ZKSCAN8: variants seen among roughly 807,000 people sequenced by gnomAD.
ZKSCAN8 encodes zinc finger protein with KRAB and SCAN domains 8.
ZKSCAN8 carries 27 observed loss-of-function variants against 57.2 expected under a neutral mutation model. The observed-to-expected ratio is 0.47, with a 90% confidence interval of 0.35 to 0.65. ZKSCAN8 has a LOEUF of 0.65. Among genes scored for constraint, ZKSCAN8 ranks in the 30% least tolerant of loss-of-function variants. The pLI is 0.01. For missense variants in ZKSCAN8, 597 were observed against 696.3 expected, an observed-to-expected ratio of 0.86 and a Z score of 1.60; for synonymous variants, 214 against 248.7, an observed-to-expected ratio of 0.86 and a Z score of 1.31.
At chr6:28,152,036 C>A in intron 4 of ZKSCAN8, 100 bp downstream of exon 4, 2 of 1,430,304 alleles carry the variant, frequency 1.4e-6, no homozygotes, top group Non-Finnish European at 1.9e-6. Flanking sequence ...GCAGTACCTA[C>A]CCAAAAAGTT....
intron 1 of ZKSCAN8, among the ~76,000 whole-genome samples, chr6:28,146,231 G>C (rs1765389519): frequency 1.3e-5 from 2 of 152,188 alleles, no homozygotes; most frequent in South Asian, 4.1e-4. Flanking sequence ...TAAGATAAAA[G>C]ATATGGACCT....
intron 3 of ZKSCAN8, 66 bp from the exon 4 acceptor site, chr6:28,151,779 G>C: frequency 1.6e-6 from 2 of 1,288,980 alleles, no homozygotes; most frequent in Non-Finnish European, 2.2e-6. Context: ...TTTGGAATGG[G>C]TGAGTGCCAG....
Position 28,152,279 on chromosome 6 carries a change from G to A in ZKSCAN8, c.670G>A (p.Asp224Asn). The A allele has an allele frequency of 2.5e-6, 4 of 1,611,902 alleles. No homozygotes were observed. The highest frequency in any genetic ancestry group is 3.4e-6 in the Non-Finnish European group (4 of 1,179,256). The stretch of plus-strand genomic sequence containing the variant: ...GTTTCAGACTTTGGAGAAGATTGAA[G>A]ACATGGCTGTGTCCCTTATTCGAGA... ...AGFQTLEKIE[D>N]MAVSLIREEW... The change falls in exon 5 of 6, where the codon GAC becomes AAC. Residue 224 changes from aspartate to asparagine, a missense_variant. By Grantham distance (23) the Asp-to-Asn change is conservative (BLOSUM62 1). Transcript: ENST00000330236.
At chr6:28,152,417 A>G in intron 5 of ZKSCAN8, 33 bp downstream of exon 5, 1 of 1,573,180 alleles carries the variant, frequency 6.4e-7, no homozygotes, top group South Asian at 1.2e-5. Context: ...TTGTCATTTT[A>G]GATTTTTTGT....
chr6:28,155,431 C>T lies in ZKSCAN8; in HGVS notation c.*1414C>T, dbSNP rs1765752742. On this transcript the variant is annotated 3_prime_UTR_variant, in exon 6 of 6. Coordinates refer to ENST00000330236, the MANE Select transcript of ZKSCAN8 (RefSeq NM_006298.4). Reference sequence around the variant, plus strand: ...TACTATTATTCCATACTACTATATTCTTCCAAATATTTGGAACACTCTTAG... The same window carrying T: ...TACTATTATTCCATACTACTATATTTTTCCAAATATTTGGAACACTCTTAG... The T allele has an allele frequency of 6.6e-6, 1 of 152,172 alleles. No individual in the cohort carries two copies. The highest frequency in any genetic ancestry group is 6.5e-5 in the Admixed American group (1 of 15,280). 9.4% of individuals were successfully genotyped at this position (152,172 alleles called of 1,614,324 possible).
chr6:28,146,021 A>C (rs1193939062), intron 1 of ZKSCAN8, among the ~76,000 whole-genome samples: 1 of 152,264 alleles, frequency 6.6e-6, no homozygotes, highest in African/African-American at 2.4e-5. Context: ...AACCAAAGTT[A>C]CCATTGCAGT....
chr6:28,142,314 C>CT (rs1416986483), intron 1 of ZKSCAN8: 1 of 152,116 alleles, frequency 6.6e-6, no homozygotes, highest in Non-Finnish European at 1.5e-5. Flanking sequence ...AACGCCCCCC[C>CT]CATGTTATTT....
In ZKSCAN8 at chr6:28,144,920, G is replaced by T. The variant is rs957534407; in HGVS notation, c.-93+2891G>T. Among the ~76,000 whole-genome samples the T allele has an allele frequency of 9.9e-5, 15 of 152,236 alleles. No individual in the cohort carries two copies. The highest frequency in any genetic ancestry group is 3.4e-4 in the African/African-American group (14 of 41,546). On this transcript the variant is annotated intron_variant, in intron 1 of 5. Transcript: ENST00000330236. The surrounding 1 kb of genome is among the most constrained non-coding windows in gnomAD (Gnocchi z 4.5). ...AAAATACAAAAAATTAGCCGGGTGT[G>T]GTGGAGGGCGCCTGTAGTCCCAGCT...
At chr6:28,146,532 A>G (rs552293369) in intron 1 of ZKSCAN8, among the ~76,000 whole-genome samples, 1 of 152,344 alleles carries the variant, frequency 6.6e-6, no homozygotes, top group East Asian at 1.9e-4. Context: ...TGTTGTTGAG[A>G]TATCAGTTGT....
chr6:28,148,475 T>C lies in ZKSCAN8; in HGVS notation c.68T>C (p.Val23Ala), dbSNP rs754288086. The C allele has an allele frequency of 1.2e-6, 2 of 1,614,104 alleles. No individual in the cohort carries two copies. Among genetic ancestry groups the C allele is most frequent in the East Asian group, 2.2e-5 (1 of 44,880 alleles). Residue 23 changes from valine to alanine, a missense_variant, in exon 2 of 6, where the codon GTA (valine) becomes GCA (alanine). Val to Ala is a moderately conservative substitution (Grantham distance 64). Transcript: ENST00000330236. ...PPDQTPEEDL[V>A]IVKVEEDHGW... The stretch of plus-strand genomic sequence containing the variant: ...GACCAGACTCCTGAAGAGGATCTTG[T>C]AATCGTCAAGGTAGAGGAGGATCAT...
At position 28,148,299 on chromosome 6, in the gene ZKSCAN8, A is replaced by T; in HGVS notation, c.-92-17A>T. ...ACTTTTGACTTGCCTTAACACTATCATATTTTCTTCATGAAGAAGTACCCT... is the reference window on the plus strand; with the variant it reads ...ACTTTTGACTTGCCTTAACACTATCTTATTTTCTTCATGAAGAAGTACCCT... On this transcript the variant is annotated splice_polypyrimidine_tract_variant and intron_variant, in intron 1 of 5. Coordinates refer to ENST00000330236, the MANE Select transcript of ZKSCAN8 (RefSeq NM_006298.4). 8.3e-7 allele frequency: 1 copy of T among 1,204,134 alleles called. No homozygotes were observed. The highest frequency in any genetic ancestry group is 2.5e-5 in the East Asian group (1 of 40,180). 74.6% of individuals were successfully genotyped at this position (1,204,134 alleles called of 1,614,324 possible).
At chr6:28,145,272 G>A (rs1162866845) in intron 1 of ZKSCAN8, among the ~76,000 whole-genome samples, 2 of 152,138 alleles carry the variant, frequency 1.3e-5, no homozygotes, top group Non-Finnish European at 2.9e-5. Context: ...TGGGATGGGG[G>A]TAAGGACAAT....
chr6:28,149,561 A>G lies in ZKSCAN8; in HGVS notation c.496A>G (p.Thr166Ala), dbSNP rs1384639938. 2 of 1,614,100 alleles carry G rather than the reference A, an allele frequency of 1.2e-6. No individual in the cohort carries two copies. Among genetic ancestry groups the G allele is most frequent in the Non-Finnish European group, 1.7e-6 (2 of 1,180,016 alleles). ...HSASAPEPPNTQLQSEATQHK... is the reference protein window; with the variant it reads ...HSASAPEPPNAQLQSEATQHK... ...AGCATCTGCACCAGAGCCTCCAAAT[A>G]CTCAGCTCCAATCTGAGGCAACCCA... The change falls in exon 3 of 6, where the codon ACT becomes GCT. Residue 166 changes from threonine (T) to alanine (A), a missense_variant. Transcript: ENST00000330236.
At position 28,149,725 on chromosome 6, in the gene ZKSCAN8, G is replaced by T. The variant is rs933442922; in HGVS notation, c.559+101G>T. ...CTGAAGAACCAGGAACTAAAATCCTGTTTACAGACCAGTCCCAAAGTCTGT... is the reference window on the plus strand; with the variant it reads ...CTGAAGAACCAGGAACTAAAATCCTTTTTACAGACCAGTCCCAAAGTCTGT... On this transcript the variant is annotated intron_variant, in intron 3 of 5. Coordinates refer to ENST00000330236, the MANE Select transcript of ZKSCAN8 (RefSeq NM_006298.4). The T allele has an allele frequency of 5.7e-6, 8 of 1,399,352 alleles. No individual in the cohort carries two copies. The African/African-American group carries it at 1.2e-4, about 20-fold the overall frequency. The allele number at this position is 1,399,352 out of a possible 1,614,324, so 86.7% of individuals were successfully genotyped here.
Position 28,159,310 on chromosome 6 carries a change from TAC to T in ZKSCAN8, c.*5295_*5296del, listed in dbSNP as rs1238149591. 1 of 152,270 alleles carries T rather than the reference TAC, an allele frequency of 6.6e-6. No homozygotes were observed. Among genetic ancestry groups the T allele is most frequent in the African/African-American group, 2.4e-5 (1 of 41,472 alleles). The allele number at this position is 152,270 out of a possible 1,614,324, so 9.4% of individuals were successfully genotyped here. On this transcript the variant is annotated 3_prime_UTR_variant, in exon 6 of 6. Transcript: ENST00000330236. Reference sequence around the variant, plus strand: ...GTAATTATTTTCTAGCACTCTGTGTTACAGTTTCATATTTGTATTTATTTCCA... The same window carrying T: ...GTAATTATTTTCTAGCACTCTGTGTTAGTTTCATATTTGTATTTATTTCCA...
Position 28,156,020 on chromosome 6 carries a change from G to C in ZKSCAN8, c.*2003G>C, listed in dbSNP as rs928398705. On this transcript the variant is annotated 3_prime_UTR_variant, in exon 6 of 6. Transcript: ENST00000330236. The stretch of plus-strand genomic sequence containing the variant: ...AAGAAACCAGAAACAAGTAAATCTG[G>C]TTGTATCTAGATCTTTGCTCTGTGT... 3 of 396,944 alleles carry C rather than the reference G, an allele frequency of 7.6e-6. No homozygotes were observed. The highest frequency in any genetic ancestry group is 8.9e-6 in the Non-Finnish European group (2 of 225,236). The allele number at this position is 396,944 out of a possible 1,614,324, so 24.6% of individuals were successfully genotyped here. A position where few individuals can be genotyped will look rare whatever the true frequency, so the allele number is the denominator to read the frequency against.
chr6:28,152,062 T>C, intron 4 of ZKSCAN8, 126 bp downstream of exon 4: 1 of 1,379,692 alleles, frequency 7.2e-7, no homozygotes, highest in South Asian at 1.4e-5. Flanking sequence ...AAAAATTCTT[T>C]TGCCTAGGGA....
chr6:28,152,509 A>G (rs886414051), intron 5 of ZKSCAN8, 125 bp downstream of exon 5: 1 of 1,275,198 alleles, frequency 7.8e-7, no homozygotes, highest in Non-Finnish European at 1.1e-6. Context: ...GCAGAGGGAT[A>G]TGATGTTGAG....
At chr6:28,150,933 AGTAGCTGGGATTACAG>A (rs1765571457) in intron 3 of ZKSCAN8, among the ~76,000 whole-genome samples, 1 of 152,098 alleles carries the variant, frequency 6.6e-6, no homozygotes, top group South Asian at 2.1e-4. Flanking sequence ...CAGCTTCCCC[AGTAGCTGGGATTACAG>A]GTGCACGCCA....
Sources: gnomAD v4.1 joint callset for allele counts (sites outside exome capture counted in the v4.1 genomes callset) on GRCh38, gnomAD v4.1.1 for gene constraint, Gnocchi (gnomAD v3.1) non-coding constraint, MANE v1.5 for transcripts, NCBI Gene and HGNC (gene_info 2026-07-23, HGNC 2026-07-21) for gene names.